Variants in KIR3DL2 observed in about 807,000 individuals in gnomAD.
The protein encoded by KIR3DL2 is killer cell immunoglobulin-like receptor 3DL2.
KIR3DL2 carries 42 observed loss-of-function variants against 41.6 expected under a neutral mutation model. The observed-to-expected ratio is 1.01, with a 90% CI of 0.79 to 1.31. KIR3DL2 has a LOEUF of 1.31. Among genes scored for constraint, KIR3DL2 ranks in the 50% most tolerant of loss-of-function variants. The pLI, the probability that KIR3DL2 is intolerant of heterozygous loss-of-function variation, is 0.00. For synonymous variants in KIR3DL2, 230 were observed against 221.3 expected (o/e 1.04, Z -0.35); for missense variants, 728 against 576.8 (o/e 1.26, Z -2.68).
intron 6 of KIR3DL2, among the ~76,000 whole-genome samples, chr19:54,864,386 C>A (rs943116549): frequency 8.5e-5 from 13 of 152,112 alleles, no homozygotes; most frequent in African/African-American, 2.9e-4. Context: ...TTTTCCAATT[C>A]TGTGAAGAAA....
chr19:54,863,445 TG>T (rs2065313079), intron 6 of KIR3DL2, among the ~76,000 whole-genome samples: 1 of 152,106 alleles, frequency 6.6e-6, no homozygotes, highest in African/African-American at 2.4e-5. Flanking sequence ...ACTTCCACAA[TG>T]GTTGAACTAG....
At chr19:54,857,261 T>C (rs2064857138) in intron 5 of KIR3DL2, among the ~76,000 whole-genome samples, 1 of 151,340 alleles carries the variant, frequency 6.6e-6, no homozygotes, top group Non-Finnish European at 1.5e-5. Flanking sequence ...GACTAATTCT[T>C]GTATTTTTTA....
intron 6 of KIR3DL2, among the ~76,000 whole-genome samples, chr19:54,863,119 C>A (rs1198885042): frequency 6.8e-6 from 1 of 147,714 alleles, no homozygotes; most frequent in East Asian, 2.0e-4. Context: ...GGATTTTTGT[C>A]CTTGTGATAG....
chr19:54,865,431 CG>C (rs1490905126), intron 6 of KIR3DL2, among the ~76,000 whole-genome samples: 2 of 152,014 alleles, frequency 1.3e-5, no homozygotes, highest in South Asian at 2.1e-4. Flanking sequence ...ACCAGCCCTC[CG>C]GGAACTAATA....
At chr19:54,866,038 T>C in intron 7 of KIR3DL2, 129 bp downstream of exon 7, 1 of 874,542 alleles carries the variant, frequency 1.1e-6, no homozygotes, top group Non-Finnish European at 1.8e-6. Context: ...GAGGCAGGGC[T>C]TTCTAGAGAG....
At chr19:54,851,874 T>G in intron 2 of KIR3DL2, 124 bp from the exon 3 acceptor site, 1 of 1,203,760 alleles carries the variant, frequency 8.3e-7, no homozygotes, top group Admixed American at 2.1e-5. Flanking sequence ...GTCCTTCCTG[T>G]AGCCCTGGGC....
chr19:54,853,914 G>C lies in KIR3DL2; in HGVS notation c.523G>C (p.Val175Leu). The C allele has an allele frequency of 6.2e-7, 1 of 1,613,396 alleles. No homozygotes were observed. The highest frequency in any genetic ancestry group is 8.5e-7 in the Non-Finnish European group (1 of 1,179,860). Residue 175 changes from valine (V) to leucine (L), a missense_variant, in exon 4 of 9, where the codon GTC becomes CTC. Val to Leu is a conservative substitution (Grantham distance 32). Transcript: ENST00000326321. Reference protein sequence around the residue: ...SRLVGQIHDGVSKANFSIGPL... With the variant: ...SRLVGQIHDGLSKANFSIGPL... ...CCTCGTTGGACAGATCCATGATGGG[G>C]TCTCCAAGGCCAACTTCTCCATCGG...
At position 54,852,498 on chromosome 19, in the gene KIR3DL2, T is replaced by C. The variant is rs374987674; in HGVS notation, c.355+216T>C. Among the ~76,000 whole-genome samples the C allele has an allele frequency of 9.6e-3, 1,441 of 150,490 alleles. 54 individuals are homozygous for C. Among genetic ancestry groups the C allele is most frequent in the African/African-American group, 0.033 (1,330 of 39,904 alleles). On this transcript the variant is annotated intron_variant, in intron 3 of 8. Transcript: ENST00000326321. ...CTGGAGCCTGTGACTATTTATGTTA[T>C]AGGGCAGGGGACTGAAGGGGAAGGT... is the stretch of plus-strand genomic sequence containing the variant.
chr19:54,859,884 C>A (rs1601798840), intron 6 of KIR3DL2, among the ~76,000 whole-genome samples: 1 of 151,880 alleles, frequency 6.6e-6, no homozygotes, highest in Admixed American at 6.6e-5. Flanking sequence ...CTCCTGGTAC[C>A]CTTCCTCCTT....
chr19:54,851,892 T>C (rs2064275505), intron 2 of KIR3DL2, 106 bp from the exon 3 acceptor site: 1 of 1,396,410 alleles, frequency 7.2e-7, no homozygotes, highest in South Asian at 1.2e-5. Flanking sequence ...GGCACCCAGG[T>C]GTGGTAGGAG....
At chr19:54,857,321 C>T (rs1328337756) in intron 5 of KIR3DL2, among the ~76,000 whole-genome samples, 2 of 151,556 alleles carry the variant, frequency 1.3e-5, no homozygotes, top group East Asian at 1.9e-4. Flanking sequence ...AAACTCCTGA[C>T]CTCAAGTGAG....
intron 6 of KIR3DL2, among the ~76,000 whole-genome samples, chr19:54,860,639 C>T (rs375306734): frequency 3.3e-5 from 5 of 150,818 alleles, no homozygotes; most frequent in East Asian, 2.0e-4. Context: ...CCTCCCAACA[C>T]GCTGGGATAA....
At chr19:54,854,951 T>C (rs1336613682) in intron 4 of KIR3DL2, among the ~76,000 whole-genome samples, 19 of 151,324 alleles carry the variant, frequency 1.3e-4, no homozygotes, top group African/African-American at 4.6e-4. Context: ...GATAGATGGA[T>C]AGATAGATAT....
At position 54,866,404 on chromosome 19, in the gene KIR3DL2, C is replaced by G; in HGVS notation, c.1140C>G (p.Asp380Glu). Reference protein sequence around the residue: ...AAVMDQEPAGDRTVNRQDSDE... With the variant: ...AAVMDQEPAGERTVNRQDSDE... Reference sequence around the variant, plus strand: ...TAATGGACCAAGAGCCTGCGGGGGACAGAACAGTGAATAGGCAGGTAGGTC... The same window carrying G: ...TAATGGACCAAGAGCCTGCGGGGGAGAGAACAGTGAATAGGCAGGTAGGTC... The change falls in exon 8 of 9, where the codon GAC (aspartate) becomes GAG (glutamate). Residue 380 changes from aspartate to glutamate, a missense_variant. Transcript: ENST00000326321. 6.2e-7 allele frequency: 1 copy of G among 1,613,960 alleles called. No homozygotes were observed. Among genetic ancestry groups the G allele is most frequent in the African/African-American group, 1.3e-5 (1 of 75,020 alleles).
At position 54,865,924 on chromosome 19, in the gene KIR3DL2, G is replaced by A; in HGVS notation, c.1105+15G>A. 8 of 1,602,008 alleles carry A rather than the reference G, an allele frequency of 5.0e-6. No homozygotes were observed. Among genetic ancestry groups the A allele is most frequent in the Non-Finnish European group, 6.8e-6 (8 of 1,169,988 alleles). ...CAACAAAAAGAGTAAGTCTCACGAA[G>A]CAGAGGCCAGAGAGCTCAGGGCCAT... is the stretch of plus-strand genomic sequence containing the variant. On this transcript the variant is annotated intron_variant, in intron 7 of 8. Transcript: ENST00000326321.
rs1456251455 is a variant in KIR3DL2, at chr19:54,867,147, T to G, written c.*416T>G. 9.4e-6 allele frequency: 2 copies of G among 213,156 alleles called. No individual in the cohort carries two copies. Among genetic ancestry groups the G allele is most frequent in the Non-Finnish European group, 9.2e-6 (1 of 108,684 alleles). 13.2% of individuals were successfully genotyped at this position (213,156 alleles called of 1,614,324 possible). The stretch of plus-strand genomic sequence containing the variant: ...AGCCTTCTGTCATCAGTAAAATTTA[T>G]AAATTTTTTTTATAACTTCAGTGTA... On this transcript the variant is annotated 3_prime_UTR_variant, in exon 9 of 9. Coordinates refer to ENST00000326321, the MANE Select transcript of KIR3DL2 (RefSeq NM_006737.4).
Position 54,866,628 on chromosome 19 carries a change from T to C in KIR3DL2, c.1265T>C (p.Leu422Pro), listed in dbSNP as rs58413124. The C allele has an allele frequency of 0.038, 61,789 of 1,613,764 alleles. 1,637 individuals are homozygous for C. Among genetic ancestry groups the C allele is most frequent in the East Asian group, 0.11 (5,120 of 44,868 alleles). Residue 422 changes from leucine (L) to proline (P), a missense_variant, in exon 9 of 9, where the codon CTA becomes CCA. By Grantham distance (98) the Leu-to-Pro change is moderately conservative. Coordinates refer to ENST00000326321, the MANE Select transcript of KIR3DL2 (RefSeq NM_006737.4). Reference sequence around the variant, plus strand: ...CCTTCTCAGAGGCCCAAGACACCCCTAACAGATACCAGCGTGTACACGGAA... The same window carrying C: ...CCTTCTCAGAGGCCCAAGACACCCCCAACAGATACCAGCGTGTACACGGAA... ...SRPSQRPKTP[L>P]TDTSVYTELP...
intron 7 of KIR3DL2, 136 bp from the exon 8 acceptor site, chr19:54,866,234 G>C: frequency 1.2e-6 from 1 of 849,534 alleles, no homozygotes; most frequent in South Asian, 1.6e-5. Flanking sequence ...CAGAGAGATA[G>C]AATGTCTGAG....
At chr19:54,858,955 C>T (rs1259720697) in intron 5 of KIR3DL2, 124 bp from the exon 6 acceptor site, 4 of 1,043,754 alleles carry the variant, frequency 3.8e-6, no homozygotes, top group Non-Finnish European at 5.9e-6. Context: ...AGAAAAGGAT[C>T]CCAAGACTCC....
Sources: allele counts gnomAD v4.1 joint callset (sites outside exome capture counted in the v4.1 genomes callset), GRCh38; gene constraint gnomAD v4.1.1; transcripts MANE v1.5; gene names NCBI Gene and HGNC (gene_info 2026-07-23, HGNC 2026-07-21).